The following MTUS2 variants were observed in gnomAD, a reference collection of about 807,000 sequenced individuals.
MTUS2 encodes the protein microtubule-associated tumor suppressor candidate 2.
MTUS2 carries 40 observed loss-of-function variants against 114.1 expected under a neutral mutation model. That is an observed-to-expected ratio of 0.35 (90% CI 0.27 to 0.46). The LOEUF (loss-of-function observed/expected upper bound fraction) is 0.46, where lower values mean the gene tolerates loss of function less well. MTUS2 is among the 20% of genes least tolerant of loss of function. MTUS2 has a pLI of 1.00. For missense variants in MTUS2, 1,679 were observed against 1,705.4 expected, an observed-to-expected ratio of 0.98 and a Z score of 0.27; for synonymous variants, 688 against 672.0, an observed-to-expected ratio of 1.02 and a Z score of -0.37.
At chr13:28,825,936 T>TGACTTC (rs1346886910) in intron 1 of MTUS2, among the ~76,000 whole-genome samples, 1 of 152,208 alleles carries the variant, frequency 6.6e-6, no homozygotes, top group Non-Finnish European at 1.5e-5. Context: ...GTGCCTGTCA[T>TGACTTC]GACTTCATGT....
At chr13:29,327,127 A>G (rs1487521870) in intron 7 of MTUS2, among the ~76,000 whole-genome samples, 1 of 113,224 alleles carries the variant, frequency 8.8e-6, no homozygotes, top group Non-Finnish European at 2.1e-5. Flanking sequence ...CCTAAAATAT[A>G]AAAATATTAA....
intron 7 of MTUS2, among the ~76,000 whole-genome samples, chr13:29,337,837 G>A (rs4268601): frequency 0.18 from 26,376 of 149,426 alleles, 2,478 homozygotes; most frequent in Non-Finnish European, 0.21. Flanking sequence ...TGCCTGGGCT[G>A]GAGTACATTG....
chr13:29,483,127 C>T (rs528589310), intron 10 of MTUS2, among the ~76,000 whole-genome samples: 1 of 152,190 alleles, frequency 6.6e-6, no homozygotes, highest in African/African-American at 2.4e-5. Flanking sequence ...GCAATGCTAA[C>T]CCCACAGATA....
At chr13:28,835,420 A>G (rs1255544609) in intron 1 of MTUS2, among the ~76,000 whole-genome samples, 2 of 151,258 alleles carry the variant, frequency 1.3e-5, no homozygotes, top group Non-Finnish European at 1.5e-5. Context: ...CACCTGTTAT[A>G]TGATTCTGTT....
intron 2 of MTUS2, among the ~76,000 whole-genome samples, chr13:28,976,056 T>C (rs1172500819): frequency 6.6e-6 from 1 of 151,602 alleles, no homozygotes; most frequent in African/African-American, 2.4e-5. Flanking sequence ...ATATAAAAAA[T>C]AGGCAGGTGC....
At chr13:29,205,800 A>G (rs986145758) in intron 5 of MTUS2, among the ~76,000 whole-genome samples, 33 of 152,114 alleles carry the variant, frequency 2.2e-4, no homozygotes, top group Non-Finnish European at 3.8e-4. Flanking sequence ...TTCTTTATCT[A>G]CTTGTTAACT....
chr13:29,391,498 AAGG>A (rs1257318032), intron 8 of MTUS2, among the ~76,000 whole-genome samples: 81 of 152,122 alleles, frequency 5.3e-4, no homozygotes, highest in Non-Finnish European at 8.8e-5. Flanking sequence ...TAATGCCCAG[AAGG>A]AGAAGTCAAA....
chr13:29,463,992 C>CAAAAGAAAAGAAAAG (rs61554197), intron 9 of MTUS2, among the ~76,000 whole-genome samples: 2 of 151,700 alleles, frequency 1.3e-5, no homozygotes, highest in African/African-American at 2.4e-5. Flanking sequence ...GACTGTGTCT[C>CAAAAGAAAAGAAAAG]AAAAGAAAAG....
intron 7 of MTUS2, among the ~76,000 whole-genome samples, chr13:29,350,960 C>CAT (rs56192034): frequency 0.037 from 4,774 of 128,532 alleles, 233 homozygotes; most frequent in East Asian, 0.077. Context: ...ATATATATTT[C>CAT]ATATATATAT....
chr13:29,114,347 A>G (rs1398387804), intron 5 of MTUS2, among the ~76,000 whole-genome samples: 1 of 152,128 alleles, frequency 6.6e-6, no homozygotes, highest in Non-Finnish European at 1.5e-5. Context: ...TGTTTATTTT[A>G]CAAGTTCATA....
intron 2 of MTUS2, among the ~76,000 whole-genome samples, chr13:28,878,041 G>A (rs1021518704): frequency 1.3e-5 from 2 of 152,108 alleles, no homozygotes; most frequent in African/African-American, 4.8e-5. Flanking sequence ...CAAGTTGAGC[G>A]TTTGAGTAGT....
intron 7 of MTUS2, among the ~76,000 whole-genome samples, chr13:29,335,299 C>T (rs143042657): frequency 1.4e-4 from 21 of 152,102 alleles, no homozygotes; most frequent in Admixed American, 7.2e-4. Context: ...CTTATTAGGA[C>T]GAGGAAATTC....
intron 6 of MTUS2, among the ~76,000 whole-genome samples, chr13:29,318,395 T>TA (rs981374783): frequency 1.3e-5 from 2 of 150,418 alleles, no homozygotes; most frequent in African/African-American, 4.9e-5. Flanking sequence ...CTTTTTCTTT[T>TA]TTTTTTTGAG....
chr13:29,173,349 T>C (rs1186201109), intron 5 of MTUS2, among the ~76,000 whole-genome samples: 1 of 152,188 alleles, frequency 6.6e-6, no homozygotes, highest in Admixed American at 6.5e-5. Flanking sequence ...CTTGTTTCGA[T>C]TTTGAAGTCC....
intron 10 of MTUS2, chr13:29,484,785 T>G (rs1364838739): frequency 6.6e-6 from 1 of 152,240 alleles, no homozygotes; most frequent in Non-Finnish European, 1.5e-5. Flanking sequence ...GAAATCTAAG[T>G]CTTCTCTAAG....
At chr13:28,832,940 A>G (rs1478990544) in intron 1 of MTUS2, among the ~76,000 whole-genome samples, 1 of 152,050 alleles carries the variant, frequency 6.6e-6, no homozygotes, top group African/African-American at 2.4e-5. Context: ...CATTTTAAAT[A>G]AATTTATTTC....
At position 29,031,160 on chromosome 13, in the gene MTUS2, C is replaced by T. The variant is rs1246539783; in HGVS notation, c.2206-2725C>T. The stretch of plus-strand genomic sequence containing the variant: ...AGAGGTGTGATCCAGGGCTGCTCTC[C>T]TTCCTCACTGTCTGCTGCCACTCAT... On this transcript the variant is annotated intron_variant, in intron 3 of 15. Coordinates refer to ENST00000612955, the MANE Select transcript of MTUS2 (RefSeq NM_001033602.4). Among the ~76,000 whole-genome samples, 7 of 151,564 alleles carry T rather than the reference C, an allele frequency of 4.6e-5. No homozygotes were observed. In the East Asian group the frequency reaches 1.4e-3, roughly 30 times the overall value.
chr13:28,962,223 T>C (rs1883363103), intron 2 of MTUS2, among the ~76,000 whole-genome samples: 1 of 152,074 alleles, frequency 6.6e-6, no homozygotes, highest in Non-Finnish European at 1.5e-5. Flanking sequence ...ATATGATTCT[T>C]ATAAAAATAT....
At chr13:28,996,107 AG>A (rs1051611825) in intron 2 of MTUS2, among the ~76,000 whole-genome samples, 81 of 152,286 alleles carry the variant, frequency 5.3e-4, no homozygotes, top group African/African-American at 1.1e-3. Context: ...TTTAGCATGA[AG>A]GGTTGTTGAA....
Sources: allele counts gnomAD v4.1 joint callset (sites outside exome capture counted in the v4.1 genomes callset), GRCh38; gene constraint gnomAD v4.1.1; transcripts MANE v1.5; gene names NCBI Gene and HGNC (gene_info 2026-07-23, HGNC 2026-07-21).